The following CPA4 variants were observed in gnomAD, a reference collection of about 807,000 sequenced individuals.
CPA4 encodes carboxypeptidase A4, also known as carboxypeptidase A3.
Under a neutral mutation model 54.7 loss-of-function variants are expected in CPA4, and 49 were observed. That is an observed-to-expected ratio of 0.90 (90% CI 0.71 to 1.14). CPA4 has a LOEUF of 1.14. Among genes scored for constraint, CPA4 ranks in the 50% most tolerant of loss-of-function variants. The pLI is 0.00. For missense variants in CPA4, 487 were observed against 525.1 expected (o/e 0.93, Z 0.71); for synonymous variants, 215 against 206.8 (o/e 1.04, Z -0.34).
At chr7:130,316,081 G>A (rs1249032893) in intron 10 of CPA4, among the ~76,000 whole-genome samples, 1 of 152,158 alleles carries the variant, frequency 6.6e-6, no homozygotes, top group Non-Finnish European at 1.5e-5. Context: ...GAGGGGATAT[G>A]TTGTATGAGG....
intron 1 of CPA4, among the ~76,000 whole-genome samples, chr7:130,295,548 C>T (rs1473018666): frequency 6.6e-6 from 1 of 152,192 alleles, no homozygotes; most frequent in Non-Finnish European, 1.5e-5. Context: ...TGTGCTCCAC[C>T]ATCTTGAGCC....
intron 9 of CPA4, 34 bp from the exon 10 acceptor site, chr7:130,312,004 A>G (rs1356019299): frequency 1.3e-6 from 2 of 1,558,944 alleles, no homozygotes; most frequent in East Asian, 4.5e-5. Context: ...TTCAGGATCG[A>G]TTTTTTCTCA....
chr7:130,305,243 G>A (rs1793801658), intron 5 of CPA4, among the ~76,000 whole-genome samples: 2 of 152,176 alleles, frequency 1.3e-5, no homozygotes, highest in Admixed American at 1.3e-4. Flanking sequence ...CAGTGGGAGA[G>A]GAGACCTGCC....
intron 2 of CPA4, 115 bp from the exon 3 acceptor site, chr7:130,299,155 A>G: frequency 8.8e-7 from 1 of 1,142,470 alleles, no homozygotes; most frequent in Non-Finnish European, 1.3e-6. Flanking sequence ...GCCCTTGGGC[A>G]GAGCCTAGCC....
intron 10 of CPA4, among the ~76,000 whole-genome samples, chr7:130,314,429 C>G (rs1393243800): frequency 1.3e-5 from 2 of 152,168 alleles, no homozygotes; most frequent in African/African-American, 4.8e-5. Context: ...GCTCTTTTAA[C>G]AAAGGAAGCT....
chr7:130,305,053 G>A (rs868375706), intron 5 of CPA4, among the ~76,000 whole-genome samples: 2 of 151,510 alleles, frequency 1.3e-5, no homozygotes, highest in Non-Finnish European at 2.9e-5. Context: ...ATTCAAGACT[G>A]TATTGGCAAA....
intron 1 of CPA4, among the ~76,000 whole-genome samples, chr7:130,295,344 T>C (rs1395154284): frequency 6.6e-6 from 1 of 152,148 alleles, no homozygotes; most frequent in Non-Finnish European, 1.5e-5. Flanking sequence ...GTGCCAGCCA[T>C]TGCAATGGCA....
chr7:130,299,480 T>A, intron 3 of CPA4, 76 bp downstream of exon 3: 1 of 1,379,560 alleles, frequency 7.2e-7, no homozygotes, highest in South Asian at 1.2e-5. Context: ...CGGAGTGATT[T>A]GCAAGTTCTG....
chr7:130,309,234 A>G (rs1458886445), intron 8 of CPA4, among the ~76,000 whole-genome samples: 1 of 152,228 alleles, frequency 6.6e-6, no homozygotes, highest in African/African-American at 2.4e-5. Flanking sequence ...GGGACAGAGC[A>G]TCTTACATTG....
chr7:130,293,212 T>C lies in CPA4; in HGVS notation c.32T>C (p.Ile11Thr), dbSNP rs756043297. 1.2e-6 allele frequency: 2 copies of C among 1,612,808 alleles called. No individual in the cohort carries two copies. Among genetic ancestry groups the C allele is most frequent in the Non-Finnish European group, 1.7e-6 (2 of 1,178,798 alleles). MRWILFIGAL[I>T]GSSICGQEKF... ...TGGATACTGTTCATTGGGGCCCTTA[T>C]TGGGTCCAGCATCTGTGGCCAAGAA... The change falls in exon 1 of 11, where the codon ATT (isoleucine) becomes ACT (threonine). Residue 11 changes from isoleucine (I) to threonine (T), a missense_variant. Physicochemically the swap from Ile to Thr is moderately conservative, Grantham distance 89. Transcript: ENST00000222482.
At chr7:130,322,313 A>T (rs192584280) in intron 10 of CPA4, among the ~76,000 whole-genome samples, 176 bp from the exon 11 acceptor site, 54 of 152,262 alleles carry the variant, frequency 3.5e-4, no homozygotes, top group African/African-American at 1.2e-3. Context: ...CCTCAGGCCA[A>T]TGCAGGATGT....
intron 5 of CPA4, among the ~76,000 whole-genome samples, chr7:130,305,308 C>T (rs1793802602): frequency 6.6e-6 from 1 of 152,188 alleles, no homozygotes; most frequent in African/African-American, 2.4e-5. Flanking sequence ...GAGACCCTGG[C>T]TTCATTAGCA....
In CPA4 at chr7:130,310,942, C is replaced by G; in HGVS notation, c.949C>G (p.Pro317Ala). ...LHSYSQLLMY[P>A]YGYSVKKAPD... is the part of the protein sequence containing the mutation. ...CAGCTACTCGCAGCTGCTGATGTAT[C>G]CATATGGGTACTCAGTCAAAAAGGC... is the stretch of plus-strand genomic sequence containing the variant. Residue 317 changes from proline to alanine, a missense_variant, in exon 9 of 11, where the codon CCA becomes GCA. Coordinates refer to ENST00000222482, the MANE Select transcript of CPA4 (RefSeq NM_016352.4). The surrounding 1 kb of genome is among the most constrained non-coding windows in gnomAD (Gnocchi z 4.3). The G allele has an allele frequency of 6.2e-7, 1 of 1,614,142 alleles. No individual in the cohort carries two copies. The highest frequency in any genetic ancestry group is 8.5e-7 in the Non-Finnish European group (1 of 1,180,022).
At chr7:130,297,370 T>C (rs1375817964) in intron 1 of CPA4, among the ~76,000 whole-genome samples, 1 of 152,198 alleles carries the variant, frequency 6.6e-6, no homozygotes, top group Non-Finnish European at 1.5e-5. Context: ...GCAAGCCTGT[T>C]GGGTTCAGAC....
chr7:130,323,795 A>T lies in CPA4; in HGVS notation c.*1119A>T, dbSNP rs1794164932. On this transcript the variant is annotated 3_prime_UTR_variant, in exon 11 of 11. Coordinates refer to ENST00000222482, the MANE Select transcript of CPA4 (RefSeq NM_016352.4). ...AACTCACTTCAAAGATCTAGGCCTCATCTTACAGGTCCTAAATCACTCATC... is the reference window on the plus strand; with the variant it reads ...AACTCACTTCAAAGATCTAGGCCTCTTCTTACAGGTCCTAAATCACTCATC... The T allele has an allele frequency of 6.6e-6, 1 of 152,150 alleles. No homozygotes were observed. Among genetic ancestry groups the T allele is most frequent in the Non-Finnish European group, 1.5e-5 (1 of 68,102 alleles). The allele number at this position is 152,150 out of a possible 1,614,324, so 9.4% of individuals were successfully genotyped here.
chr7:130,298,502 T>C (rs961520391), intron 1 of CPA4, among the ~76,000 whole-genome samples: 2 of 152,244 alleles, frequency 1.3e-5, no homozygotes, highest in African/African-American at 2.4e-5. Flanking sequence ...CTTATAATCA[T>C]GGCATACATA....
Position 130,296,679 on chromosome 7 carries a change from C to CTTTTTTTTTTTTTT in CPA4, c.69-2055_69-2042dup, listed in dbSNP as rs369325885. On this transcript the variant is annotated intron_variant, in intron 1 of 10. Coordinates refer to ENST00000222482, the MANE Select transcript of CPA4 (RefSeq NM_016352.4). ...AAGATCTTTCTAGCAGCTCCCCTCA[C>CTTTTTTTTTTTTTT]TTTTTTTTTTTTTTTTTTTTTTTTT... Among the ~76,000 whole-genome samples the CTTTTTTTTTTTTTT allele has an allele frequency of 1.1e-4, 8 of 73,004 alleles. 2 individuals are homozygous for CTTTTTTTTTTTTTT. The highest frequency in any genetic ancestry group is 1.1e-4 in the African/African-American group (2 of 18,820). 47.9% of individuals were successfully genotyped at this position (73,004 alleles called of 152,430 possible).
In CPA4 at chr7:130,305,409, C is replaced by A. The variant is rs79647391; in HGVS notation, c.487-407C>A. 9.0e-3 allele frequency among the ~76,000 whole-genome samples: 1,376 copies of A among 152,320 alleles called. 12 individuals carry two copies. Among genetic ancestry groups the A allele is most frequent in the Non-Finnish European group, 0.015 (1,032 of 68,034 alleles). On this transcript the variant is annotated intron_variant, in intron 5 of 10. Transcript: ENST00000222482. Reference sequence around the variant, plus strand: ...TTTACAAAGAGCTATAGCGAGCCCCCCTTCTTCTTAGTTTAAAACCAAATT... The same window carrying A: ...TTTACAAAGAGCTATAGCGAGCCCCACTTCTTCTTAGTTTAAAACCAAATT...
At chr7:130,321,732 A>G (rs917769124) in intron 10 of CPA4, among the ~76,000 whole-genome samples, 2 of 152,202 alleles carry the variant, frequency 1.3e-5, no homozygotes, top group African/African-American at 2.4e-5. Flanking sequence ...TTCCCCTTAT[A>G]AAACCATCAG....
Sources: gnomAD v4.1 joint callset for allele counts (sites outside exome capture counted in the v4.1 genomes callset) on GRCh38, gnomAD v4.1.1 for gene constraint, Gnocchi (gnomAD v3.1) non-coding constraint, MANE v1.5 for transcripts, NCBI Gene and HGNC (gene_info 2026-07-23, HGNC 2026-07-21) for gene names.